CDK13: variants seen among roughly 807,000 people sequenced by gnomAD.
CDK13 encodes cyclin-dependent kinase 13.
CDK13 carries 40 observed loss-of-function variants against 137.6 expected under a neutral mutation model. That is an observed-to-expected ratio of 0.29 (90% CI 0.23 to 0.38). The LOEUF (loss-of-function observed/expected upper bound fraction) is 0.38. CDK13 is among the 10% of genes least tolerant of loss of function. CDK13 has a pLI of 1.00. For synonymous variants in CDK13, 869 were observed against 760.1 expected (o/e 1.14, Z -2.36); for missense variants, 1,704 against 1,951.8 (o/e 0.87, Z 2.39).
At chr7:40,050,185 A>G (rs1434537987) in intron 7 of CDK13, among the ~76,000 whole-genome samples, 2 of 152,058 alleles carry the variant, frequency 1.3e-5, no homozygotes, top group Non-Finnish European at 2.9e-5. Context: ...TATCCTGGCT[A>G]TTGTGAAGGG....
chr7:39,999,560 T>G (rs1784640089), intron 4 of CDK13, 60 bp downstream of exon 4: 1 of 1,474,914 alleles, frequency 6.8e-7, no homozygotes, highest in Non-Finnish European at 9.1e-7. Context: ...TTTGTGTTTC[T>G]CTTCTGATGT....
chr7:40,049,374 T>G (rs1785828464), intron 7 of CDK13, among the ~76,000 whole-genome samples: 1 of 151,072 alleles, frequency 6.6e-6, no homozygotes, highest in African/African-American at 2.4e-5. Flanking sequence ...CACTTAAAAT[T>G]AACATTTTAT....
intron 1 of CDK13, among the ~76,000 whole-genome samples, chr7:39,962,838 A>G (rs1407321650): frequency 6.6e-6 from 1 of 152,236 alleles, no homozygotes; most frequent in Admixed American, 6.5e-5. Flanking sequence ...AGCTTTCTAC[A>G]TAATGCTAGC....
At chr7:40,012,017 A>AT (rs1784905108) in intron 5 of CDK13, among the ~76,000 whole-genome samples, 1 of 152,222 alleles carries the variant, frequency 6.6e-6, no homozygotes, top group Non-Finnish European at 1.5e-5. Flanking sequence ...ATGGCCAATA[A>AT]GCACATGAAA....
intron 13 of CDK13, 125 bp downstream of exon 13, chr7:40,093,362 A>G (rs1250431414): frequency 6.5e-6 from 5 of 766,642 alleles, no homozygotes; most frequent in Non-Finnish European, 6.1e-6. Context: ...ATCTCAGGTA[A>G]CTGGCAATAG....
At chr7:39,966,484 G>A (rs201932386) in intron 1 of CDK13, among the ~76,000 whole-genome samples, 17 of 152,092 alleles carry the variant, frequency 1.1e-4, no homozygotes, top group African/African-American at 2.9e-4. Context: ...ACTTCTGTGC[G>A]TTGGTTATTC....
chr7:40,094,085 T>G (rs1285563986), intron 13 of CDK13, 45 bp from the exon 14 acceptor site: 3 of 1,589,778 alleles, frequency 1.9e-6, no homozygotes, highest in Non-Finnish European at 2.6e-6. Flanking sequence ...AATATTTAGT[T>G]TTCCATGGTA....
At chr7:40,045,485 T>C (rs553939690) in intron 5 of CDK13, among the ~76,000 whole-genome samples, 1 of 151,718 alleles carries the variant, frequency 6.6e-6, no homozygotes, top group African/African-American at 2.4e-5. Context: ...TTTTAATTTT[T>C]TGATAAACTA....
At chr7:40,088,084 T>G (rs1304284564) in intron 11 of CDK13, 42 bp from the exon 12 acceptor site, 7 of 1,555,428 alleles carry the variant, frequency 4.5e-6, no homozygotes, top group Non-Finnish European at 6.2e-6. Flanking sequence ...CATTTTTTGT[T>G]AAGAAATGCC....
chr7:40,013,032 T>C (rs916786329), intron 5 of CDK13, among the ~76,000 whole-genome samples: 8 of 152,132 alleles, frequency 5.3e-5, no homozygotes, highest in Admixed American at 1.3e-4. Context: ...GATGGAAGAA[T>C]TGATAAGCAA....
chr7:40,010,093 C>T (rs751407594), intron 5 of CDK13, among the ~76,000 whole-genome samples: 1 of 151,428 alleles, frequency 6.6e-6, no homozygotes, highest in Non-Finnish European at 1.5e-5. Flanking sequence ...TTAGATTTAT[C>T]GTGTACTTTA....
At chr7:40,066,684 A>C (rs992318642) in intron 9 of CDK13, 2 of 152,204 alleles carry the variant, frequency 1.3e-5, no homozygotes, top group Admixed American at 1.3e-4. Flanking sequence ...AAGTGTTTTT[A>C]ATTTCTAGAT....
rs959001134 is a variant in CDK13, at chr7:40,001,732, C to T, written c.2183-129C>T. ...TAAATATTATTTGGTATATTGGAAA[C>T]TGAAACATACTTTGTGGTTCTATTT... is the stretch of plus-strand genomic sequence containing the variant. On this transcript the variant is annotated intron_variant, in intron 4 of 13. Coordinates refer to ENST00000181839, the MANE Select transcript of CDK13 (RefSeq NM_003718.5). 12 of 710,536 alleles carry T rather than the reference C, an allele frequency of 1.7e-5. No individual in the cohort carries two copies. In the African/African-American group the frequency reaches 2.0e-4, roughly 12 times the overall value. The allele number at this position is 710,536 out of a possible 1,614,324, so 44.0% of individuals were successfully genotyped here.
intron 5 of CDK13, among the ~76,000 whole-genome samples, chr7:40,033,532 G>GT (rs1183505648): frequency 2.6e-5 from 4 of 152,178 alleles, no homozygotes; most frequent in Non-Finnish European, 5.9e-5. Flanking sequence ...AAGGTTTTGT[G>GT]TTTATCTGGC....
At chr7:40,022,924 G>A (rs914686101) in intron 5 of CDK13, among the ~76,000 whole-genome samples, 3 of 146,730 alleles carry the variant, frequency 2.0e-5, no homozygotes, top group Admixed American at 6.9e-5. Flanking sequence ...TGAAAACTTT[G>A]CAAATAGTCT....
chr7:40,066,788 C>A (rs1324984862), intron 9 of CDK13: 1 of 152,088 alleles, frequency 6.6e-6, no homozygotes, highest in South Asian at 2.1e-4. Flanking sequence ...TCAGTGAATC[C>A]TCTGTTTAAA....
rs367785721 is a variant in CDK13, at chr7:40,064,023, G to A, written c.2780+923G>A. Among the ~76,000 whole-genome samples the A allele has an allele frequency of 1.5e-4, 23 of 152,032 alleles. No homozygotes were observed. The East Asian group carries it at 3.9e-3, about 26-fold the overall frequency. On this transcript the variant is annotated intron_variant, in intron 9 of 13. Transcript: ENST00000181839. ...GCTTTGGCCAGGCACGGTTTCTCAC[G>A]CCCGTAATCCCAGCACTTTGGGAGG...
In CDK13 at chr7:39,950,435, C is replaced by G; in HGVS notation, c.-207C>G. On this transcript the variant is annotated 5_prime_UTR_variant, in exon 1 of 14. Coordinates refer to ENST00000181839, the MANE Select transcript of CDK13 (RefSeq NM_003718.5). ...CTCCGCCGCCCGGATTCCTGCTTCCCTGGGGCCCGGAGGCTGCTGCGTACC... is the reference window on the plus strand; with the variant it reads ...CTCCGCCGCCCGGATTCCTGCTTCCGTGGGGCCCGGAGGCTGCTGCGTACC... 1 of 1,234,264 alleles carries G rather than the reference C, an allele frequency of 8.1e-7. No homozygotes were observed. The highest frequency in any genetic ancestry group is 1.0e-6 in the Non-Finnish European group (1 of 989,412). 76.5% of individuals were successfully genotyped at this position (1,234,264 alleles called of 1,614,324 possible). A position where few individuals can be genotyped will look rare whatever the true frequency, so the allele number is the denominator to read the frequency against.
rs563858911 is a variant in CDK13 at position 39,950,311 on chromosome 7, C to T, written c.-331C>T. 4.5e-6 allele frequency: 5 copies of T among 1,111,752 alleles called. No individual in the cohort carries two copies. In the African/African-American group the frequency reaches 8.1e-5, roughly 18 times the overall value. 68.9% of individuals were successfully genotyped at this position (1,111,752 alleles called of 1,614,324 possible). A position where few individuals can be genotyped will look rare whatever the true frequency, so the allele number is the denominator to read the frequency against. On this transcript the variant is annotated 5_prime_UTR_variant, in exon 1 of 14. Coordinates refer to ENST00000181839, the MANE Select transcript of CDK13 (RefSeq NM_003718.5). ...CGCGGCCAAGGCCGCTCCCCCACCC[C>T]CGGGGGCACTTGGAGGACTCGGGAC... is the stretch of plus-strand genomic sequence containing the variant.
Sources: gnomAD v4.1 joint callset for allele counts (sites outside exome capture counted in the v4.1 genomes callset) on GRCh38, gnomAD v4.1.1 for gene constraint, MANE v1.5 for transcripts, NCBI Gene and HGNC (gene_info 2026-07-23, HGNC 2026-07-21) for gene names.